Variants in CLDN12 observed in about 807,000 individuals in gnomAD.
CLDN12 encodes claudin 12, also known as claudin-12.
A neutral mutation model predicts 15.5 loss-of-function variants in CLDN12; 9 were observed. The ratio of observed to expected loss-of-function variants is 0.58; its 90% CI spans 0.35 to 1.02. CLDN12 has a LOEUF of 1.02. CLDN12 is among the 50% of genes least tolerant of loss of function. The pLI is 0.02. For missense variants in CLDN12, 233 were observed against 297.3 expected (o/e 0.78, Z 1.59); for synonymous variants, 140 against 121.6 (o/e 1.15, Z -1.00).
intron 1 of CLDN12, among the ~76,000 whole-genome samples, chr7:90,405,035 C>T (rs1043326266): frequency 1.3e-5 from 2 of 151,870 alleles, no homozygotes; most frequent in South Asian, 2.1e-4. Context: ...TGGGACAACA[C>T]GTGTGCACCA....
chr7:90,409,168 CA>C (rs1796904807), intron 2 of CLDN12: 1 of 152,160 alleles, frequency 6.6e-6, no homozygotes, highest in African/African-American at 2.4e-5. Flanking sequence ...ATCTCAATTA[CA>C]TTGAAATTCC....
intron 2 of CLDN12, among the ~76,000 whole-genome samples, chr7:90,409,958 TA>T (rs1186979490): frequency 2.6e-5 from 4 of 152,326 alleles, no homozygotes; most frequent in Middle Eastern, 3.4e-3. Context: ...GATTGCTTCT[TA>T]GTAATAGCTA....
At chr7:90,411,733 G>A (rs1298517543) in intron 2 of CLDN12, among the ~76,000 whole-genome samples, 1 of 152,172 alleles carries the variant, frequency 6.6e-6, no homozygotes, top group Non-Finnish European at 1.5e-5. Context: ...TTGGAGATGA[G>A]CTCATTTACT....
In CLDN12 at chr7:90,415,221, T is replaced by A. The variant is rs1175047169; in HGVS notation, c.*1810T>A. ...ATTTTTTTAATTACTGGCTTCTGAT[T>A]TCTTTCACTTCTGATCCTTTTCCTT... On this transcript the variant is annotated 3_prime_UTR_variant, in exon 4 of 4. Transcript: ENST00000496677. The A allele has an allele frequency of 6.0e-6, 1 of 165,476 alleles. No homozygotes were observed. Among genetic ancestry groups the A allele is most frequent in the East Asian group, 1.9e-4 (1 of 5,198 alleles). The allele number at this position is 165,476 out of a possible 1,614,324, so 10.3% of individuals were successfully genotyped here. A position where few individuals can be genotyped will look rare whatever the true frequency, so the allele number is the denominator to read the frequency against.
chr7:90,410,826 G>A (rs1796944107), intron 2 of CLDN12, among the ~76,000 whole-genome samples: 2 of 151,902 alleles, frequency 1.3e-5, no homozygotes, highest in South Asian at 2.1e-4. Context: ...AGAAAACCCC[G>A]TCTCTACAAA....
At chr7:90,408,041 A>C (rs1454769650) in intron 2 of CLDN12, among the ~76,000 whole-genome samples, 1 of 152,178 alleles carries the variant, frequency 6.6e-6, no homozygotes, top group Non-Finnish European at 1.5e-5. Context: ...AAGAAATGGA[A>C]TGGCGGATGA....
rs1406103443 is a variant in CLDN12, at chr7:90,413,112, G to T, written c.436G>T (p.Val146Leu). The change falls in exon 4 of 4, where the codon GTG becomes TTG. Residue 146 changes from valine to leucine, a missense_variant. Transcript: ENST00000496677. ...AGLLFFLAGTVSLSPSIWVIF... is the reference protein window; with the variant it reads ...AGLLFFLAGTLSLSPSIWVIF... ...GCTGCTATTTTTCCTGGCAGGTACT[G>T]TGAGCCTCTCCCCATCTATCTGGGT... The T allele has an allele frequency of 1.9e-6, 3 of 1,614,204 alleles. No individual in the cohort carries two copies.
intron 1 of CLDN12, among the ~76,000 whole-genome samples, chr7:90,404,205 T>C (rs749116088): frequency 3.3e-5 from 5 of 151,786 alleles, no homozygotes; most frequent in Non-Finnish European, 5.9e-5. Flanking sequence ...GCGTTATTAA[T>C]TGTAAAACGA....
At chr7:90,411,573 A>G (rs1190274143) in intron 2 of CLDN12, among the ~76,000 whole-genome samples, 1 of 152,044 alleles carries the variant, frequency 6.6e-6, no homozygotes, top group African/African-American at 2.4e-5. Flanking sequence ...GAACAGTAGT[A>G]GTAATAACCA....
intron 2 of CLDN12, among the ~76,000 whole-genome samples, chr7:90,407,022 C>G (rs973957343): frequency 3.3e-5 from 5 of 151,460 alleles, no homozygotes; most frequent in Non-Finnish European, 7.4e-5. Flanking sequence ...CATGACATAC[C>G]TGTTAAGTTG....
chr7:90,414,458 G>A lies in CLDN12; in HGVS notation c.*1047G>A. 8.6e-6 allele frequency: 8 copies of A among 924,866 alleles called. No individual in the cohort carries two copies. The highest frequency in any genetic ancestry group is 1.8e-5 in the African/African-American group (1 of 55,752). The allele number at this position is 924,866 out of a possible 1,614,324, so 57.3% of individuals were successfully genotyped here. A position where few individuals can be genotyped will look rare whatever the true frequency, so the allele number is the denominator to read the frequency against. ...CTAACACTTTAGTAGGTGCTATAGA[G>A]GATACATGAAAAGTATGAGATCTGG... On this transcript the variant is annotated 3_prime_UTR_variant, in exon 4 of 4. Coordinates refer to ENST00000496677, the MANE Select transcript of CLDN12 (RefSeq NM_001185072.3).
intron 2 of CLDN12, chr7:90,406,028 C>T (rs1425709072): frequency 3.3e-5 from 5 of 152,268 alleles, no homozygotes; most frequent in African/African-American, 4.8e-5. Flanking sequence ...GCTTGAGCCT[C>T]GGAGGTCGAG....
intron 3 of CLDN12, chr7:90,412,270 CACAT>C (rs1392250764): frequency 1.2e-5 from 2 of 171,748 alleles, no homozygotes; most frequent in African/African-American, 4.8e-5. Context: ...GAGTGCCTGA[CACAT>C]ACAGAGTGCT....
Position 90,414,004 on chromosome 7 carries a change from G to A in CLDN12, c.*593G>A. The A allele has an allele frequency of 1.0e-6, 1 of 970,094 alleles. No homozygotes were observed. The highest frequency in any genetic ancestry group is 1.2e-6 in the Non-Finnish European group (1 of 803,464). 60.1% of individuals were successfully genotyped at this position (970,094 alleles called of 1,614,324 possible). A position where few individuals can be genotyped will look rare whatever the true frequency, so the allele number is the denominator to read the frequency against. On this transcript the variant is annotated 3_prime_UTR_variant, in exon 4 of 4. Transcript: ENST00000496677. ...TAAAAGTAAAACGTATTTTAACGAT[G>A]TTAGAATAAGACTACCATTCTAAAT...
At chr7:90,408,026 A>G (rs924425641) in intron 2 of CLDN12, among the ~76,000 whole-genome samples, 3 of 152,202 alleles carry the variant, frequency 2.0e-5, no homozygotes, top group African/African-American at 7.2e-5. Context: ...AACTTATTGA[A>G]TGGTAAGAAA....
In CLDN12 at chr7:90,412,926, C is replaced by T. The variant is rs1422564484; in HGVS notation, c.250C>T (p.Arg84Cys). The T allele has an allele frequency of 2.3e-5, 37 of 1,614,054 alleles. No individual in the cohort carries two copies. The highest frequency in any genetic ancestry group is 3.1e-5 in the Non-Finnish European group (37 of 1,180,040). The change falls in exon 4 of 4, where the codon CGT (arginine) becomes TGT (cysteine). Residue 84 changes from arginine (R) to cysteine (C), a missense_variant. Transcript: ENST00000496677. ...WYSSVDQLDL[R>C]VLQFALPLSM... is the part of the protein sequence containing the mutation. Reference sequence around the variant, plus strand: ...CTCATCAGTTGACCAGCTGGACCTGCGTGTCCTCCAGTTTGCCCTACCCCT... The same window carrying T: ...CTCATCAGTTGACCAGCTGGACCTGTGTGTCCTCCAGTTTGCCCTACCCCT...
intron 2 of CLDN12, among the ~76,000 whole-genome samples, chr7:90,408,788 T>C (rs1796895094): frequency 6.6e-6 from 1 of 152,206 alleles, no homozygotes; most frequent in Non-Finnish European, 1.5e-5. Context: ...ACCAATATAA[T>C]ATTTGTATTG....
chr7:90,413,800 G>A lies in CLDN12; in HGVS notation c.*389G>A. On this transcript the variant is annotated 3_prime_UTR_variant, in exon 4 of 4. Coordinates refer to ENST00000496677, the MANE Select transcript of CLDN12 (RefSeq NM_001185072.3). ...TTCTTTTTCTATAATACCTTTAACTGCAAAGAAAAGGCAGTTTCAAATATA... is the reference window on the plus strand; with the variant it reads ...TTCTTTTTCTATAATACCTTTAACTACAAAGAAAAGGCAGTTTCAAATATA... The A allele has an allele frequency of 9.9e-7, 1 of 1,005,204 alleles. No individual in the cohort carries two copies. Among genetic ancestry groups the A allele is most frequent in the African/African-American group, 1.7e-5 (1 of 57,452 alleles). The allele number at this position is 1,005,204 out of a possible 1,614,324, so 62.3% of individuals were successfully genotyped here. A position where few individuals can be genotyped will look rare whatever the true frequency, so the allele number is the denominator to read the frequency against.
chr7:90,404,546 CTGGT>C, intron 1 of CLDN12, among the ~76,000 whole-genome samples: 1 of 152,026 alleles, frequency 6.6e-6, no homozygotes. Context: ...TTTAAGCATT[CTGGT>C]TGCAAATTTC....
Sources: gnomAD v4.1 joint callset for allele counts (sites outside exome capture counted in the v4.1 genomes callset) on GRCh38, gnomAD v4.1.1 for gene constraint, MANE v1.5 for transcripts, NCBI Gene and HGNC (gene_info 2026-07-23, HGNC 2026-07-21) for gene names.